Variants in FAM117B observed in about 807,000 individuals in gnomAD.
The protein encoded by FAM117B is family with sequence similarity 117 member B.
A neutral mutation model predicts 52.8 loss-of-function variants in FAM117B; 22 were observed. The observed-to-expected ratio is 0.42, with a 90% CI of 0.30 to 0.59. FAM117B has a LOEUF of 0.59. FAM117B is among the 20% of genes least tolerant of loss of function. FAM117B has a pLI of 0.22. For synonymous variants in FAM117B, 309 were observed against 324.1 expected, an observed-to-expected ratio of 0.95 and a Z score of 0.50; for missense variants, 678 against 802.6, an observed-to-expected ratio of 0.84 and a Z score of 1.88.
chr2:202,728,943 C>T (rs1335973534), intron 4 of FAM117B, among the ~76,000 whole-genome samples: 2 of 152,132 alleles, frequency 1.3e-5, no homozygotes, highest in African/African-American at 2.4e-5. Flanking sequence ...ACACATCAAG[C>T]GTCTTAACTG....
intron 2 of FAM117B, 151 bp from the exon 3 acceptor site, chr2:202,724,766 T>A (rs1445905909): frequency 6.8e-6 from 3 of 439,640 alleles, no homozygotes; most frequent in Admixed American, 8.2e-5. Context: ...GTTAAGTAAC[T>A]GGTGCCAGGA....
At chr2:202,691,508 A>G (rs535604997) in intron 1 of FAM117B, among the ~76,000 whole-genome samples, 1 of 152,178 alleles carries the variant, frequency 6.6e-6, no homozygotes, top group African/African-American at 2.4e-5. Context: ...AATTAAAAAA[A>G]AAAATGAAAT....
chr2:202,699,099 C>T (rs1373803597), intron 2 of FAM117B, among the ~76,000 whole-genome samples: 1 of 151,814 alleles, frequency 6.6e-6, no homozygotes, highest in East Asian at 1.9e-4. Context: ...TTCTAAATAT[C>T]CCCCAAATTG....
Position 202,759,340 on chromosome 2 carries a change from T to A in FAM117B, c.1438T>A (p.Phe480Ile), listed in dbSNP as rs1409356037. 1 of 1,613,044 alleles carries A rather than the reference T, an allele frequency of 6.2e-7. No individual in the cohort carries two copies. Among genetic ancestry groups the A allele is most frequent in the Non-Finnish European group, 8.5e-7 (1 of 1,179,736 alleles). Reference sequence around the variant, plus strand: ...TGAGGGCTGTGAAAGGGTCAAAGTCTTTGAGGAATGCTCGTAAGTATCCCT... The same window carrying A: ...TGAGGGCTGTGAAAGGGTCAAAGTCATTGAGGAATGCTCGTAAGTATCCCT... ...PPEGCERVKV[F>I]EECSPKQLHE... Residue 480 changes from phenylalanine (F) to isoleucine (I), a missense_variant, in exon 7 of 8, where the codon TTT becomes ATT. Physicochemically the swap from Phe to Ile is conservative, Grantham distance 21. Coordinates refer to ENST00000392238, the MANE Select transcript of FAM117B (RefSeq NM_173511.4).
intron 1 of FAM117B, among the ~76,000 whole-genome samples, chr2:202,677,692 G>A (rs892443914): frequency 3.3e-5 from 5 of 152,230 alleles, no homozygotes; most frequent in African/African-American, 1.2e-4. Context: ...CTGGAGGGTA[G>A]GATTAATGAT....
chr2:202,682,705 T>C (rs1305708859), intron 1 of FAM117B, among the ~76,000 whole-genome samples: 2 of 152,226 alleles, frequency 1.3e-5, no homozygotes, highest in Admixed American at 1.3e-4. Flanking sequence ...ATAGAATATG[T>C]TCACTGACCA....
chr2:202,668,351 C>T (rs1690240458), intron 1 of FAM117B, among the ~76,000 whole-genome samples: 1 of 147,736 alleles, frequency 6.8e-6, no homozygotes, highest in Non-Finnish European at 1.5e-5. Flanking sequence ...ATGGCTTGAG[C>T]CCTGGAGTTA....
intron 1 of FAM117B, 51 bp from the exon 2 acceptor site, chr2:202,695,830 T>C (rs981812790): frequency 2.0e-6 from 3 of 1,529,612 alleles, no homozygotes; most frequent in Non-Finnish European, 1.8e-6. Flanking sequence ...TAGTTTCTGC[T>C]TTGTTTCTTT....
Position 202,725,070 on chromosome 2 carries a change from C to A in FAM117B, c.846+61C>A, listed in dbSNP as rs1461963448. Reference sequence around the variant, plus strand: ...ATATGATCCTTTTGTTGGCTATTTCCTTGATATTATGGGCAGCAAGGATTT... The same window carrying A: ...ATATGATCCTTTTGTTGGCTATTTCATTGATATTATGGGCAGCAAGGATTT... On this transcript the variant is annotated intron_variant, in intron 3 of 7. Coordinates refer to ENST00000392238, the MANE Select transcript of FAM117B (RefSeq NM_173511.4). 3 of 1,315,984 alleles carry A rather than the reference C, an allele frequency of 2.3e-6. No individual in the cohort carries two copies. The South Asian group carries it at 3.9e-5, about 17-fold the overall frequency. The allele number at this position is 1,315,984 out of a possible 1,614,324, so 81.5% of individuals were successfully genotyped here.
chr2:202,753,737 A>G (rs1691758069), intron 4 of FAM117B, among the ~76,000 whole-genome samples: 1 of 151,852 alleles, frequency 6.6e-6, no homozygotes, highest in African/African-American at 2.4e-5. Flanking sequence ...AGACATTTAC[A>G]CGGCCAACAA....
Position 202,757,205 on chromosome 2 carries a change from T to G in FAM117B, c.1105-8T>G, listed in dbSNP as rs751245355. The G allele has an allele frequency of 4.3e-6, 7 of 1,612,326 alleles. No homozygotes were observed. The highest frequency in any genetic ancestry group is 5.9e-6 in the Non-Finnish European group (7 of 1,178,954). ...AAATATACCTATGTTTTTACAATTT[T>G]GTAACAGCCGCAAGATATTCCAGAT... is the stretch of plus-strand genomic sequence containing the variant. On this transcript the variant is annotated splice_region_variant and splice_polypyrimidine_tract_variant and intron_variant, in intron 5 of 7. Transcript: ENST00000392238.
intron 1 of FAM117B, among the ~76,000 whole-genome samples, chr2:202,661,985 A>G (rs1285454757): frequency 6.6e-6 from 1 of 152,156 alleles, no homozygotes; most frequent in Non-Finnish European, 1.5e-5. Flanking sequence ...TCCAAAGGAA[A>G]TGAAATCAGT....
intron 1 of FAM117B, among the ~76,000 whole-genome samples, chr2:202,641,900 A>G (rs960702804): frequency 5.9e-5 from 9 of 151,304 alleles, no homozygotes; most frequent in African/African-American, 2.2e-4. Flanking sequence ...CGGCCTCCCA[A>G]AGTGCTGAGA....
intron 1 of FAM117B, among the ~76,000 whole-genome samples, chr2:202,683,740 A>G (rs1690496603): frequency 6.6e-6 from 1 of 152,276 alleles, no homozygotes; most frequent in Non-Finnish European, 1.5e-5. Flanking sequence ...TAAGAAAGAA[A>G]AAATACTAAT....
At chr2:202,679,543 G>A (rs1690431650) in intron 1 of FAM117B, among the ~76,000 whole-genome samples, 1 of 152,208 alleles carries the variant, frequency 6.6e-6, no homozygotes. Context: ...GTAATTCCCA[G>A]GGTTAGGGAG....
intron 4 of FAM117B, among the ~76,000 whole-genome samples, chr2:202,738,403 T>G (rs1691473415): frequency 6.6e-6 from 1 of 152,176 alleles, no homozygotes; most frequent in Non-Finnish European, 1.5e-5. Context: ...TTCTGTCAAC[T>G]CAAGTTTGTG....
At chr2:202,746,473 A>T (rs1193137909) in intron 4 of FAM117B, among the ~76,000 whole-genome samples, 2 of 149,526 alleles carry the variant, frequency 1.3e-5, no homozygotes, top group Admixed American at 1.4e-4. Context: ...CTAAGAGGAA[A>T]GTATATACCA....
chr2:202,765,647 T>G lies in FAM117B; in HGVS notation c.1653T>G (p.Ala551=). ...GMTTTLLQPI[A]VASLSTNTEQ... ...CAACCACTCTGCTGCAGCCTATTGCTGTGGCCTCCCTGTCTACAAACACAG... is the reference window on the plus strand; with the variant it reads ...CAACCACTCTGCTGCAGCCTATTGCGGTGGCCTCCCTGTCTACAAACACAG... Residue 551 remains alanine (A), a synonymous_variant, in exon 8 of 8, where the codon GCT becomes GCG. Transcript: ENST00000392238. 1.2e-6 allele frequency: 2 copies of G among 1,614,204 alleles called. No individual in the cohort carries two copies.
chr2:202,677,622 C>T (rs1045002457), intron 1 of FAM117B, among the ~76,000 whole-genome samples: 4 of 152,210 alleles, frequency 2.6e-5, no homozygotes, highest in Admixed American at 1.3e-4. Context: ...CAAGCCTTGG[C>T]TCTGTCTCTT....
Sources: allele counts gnomAD v4.1 joint callset (sites outside exome capture counted in the v4.1 genomes callset), GRCh38; gene constraint gnomAD v4.1.1; transcripts MANE v1.5; gene names NCBI Gene and HGNC (gene_info 2026-07-23, HGNC 2026-07-21).